ZNF577: variants seen among roughly 807,000 people sequenced by gnomAD.
The protein encoded by ZNF577 is zinc finger protein 577.
In ZNF577, 14 loss-of-function variants were observed where a neutral mutation model predicts 13.9. That is an observed-to-expected ratio of 1.00 (90% CI 0.66 to 1.57). ZNF577 has a LOEUF of 1.57. ZNF577 is among the 40% of genes most tolerant of loss of function. The pLI, the probability that ZNF577 is intolerant of heterozygous loss-of-function variation, is 0.00. For synonymous variants in ZNF577, 203 were observed against 202.9 expected (o/e 1.00, Z 0.00); for missense variants, 555 against 579.2 (o/e 0.96, Z 0.43).
intron 5 of ZNF577, among the ~76,000 whole-genome samples, chr19:51,853,215 G>A (rs2122568936): frequency 6.6e-6 from 1 of 152,300 alleles, no homozygotes; most frequent in East Asian, 1.9e-4. Flanking sequence ...GGGATTACAG[G>A]CATGAGCCAG....
chr19:51,805,759 AC>A (rs2084054684), intron 10 of ZNF577, among the ~76,000 whole-genome samples: 1 of 152,214 alleles, frequency 6.6e-6, no homozygotes, highest in Admixed American at 6.5e-5. Flanking sequence ...GTTACAGAGG[AC>A]ATCACAACAG....
At chr19:51,813,110 C>A (rs956492186) in intron 9 of ZNF577, among the ~76,000 whole-genome samples, 2 of 146,382 alleles carry the variant, frequency 1.4e-5, no homozygotes, top group African/African-American at 5.2e-5. Context: ...CAGAGTGATG[C>A]TCTGTCTCAA....
At chr19:51,866,264 G>A (rs144500343), downstream of ZNF577, among the ~76,000 whole-genome samples, 30 of 152,112 alleles carry the variant, frequency 2.0e-4, no homozygotes, top group South Asian at 4.1e-4. Context: ...CTTTCAGCTC[G>A]GCAGATTCAA....
At chr19:51,856,152 G>T (rs879819575) in intron 5 of ZNF577, among the ~76,000 whole-genome samples, 6 of 152,138 alleles carry the variant, frequency 3.9e-5, no homozygotes, top group Non-Finnish European at 8.8e-5. Context: ...ATACGCAGAG[G>T]CCTTGTCTCT....
intron 5 of ZNF577, chr19:51,845,052 T>C (rs915412133): frequency 2.0e-5 from 3 of 152,200 alleles, no homozygotes; most frequent in Non-Finnish European, 2.9e-5. Context: ...TAAAATTGTA[T>C]GTATTTATCA....
intron 1 of ZNF577, among the ~76,000 whole-genome samples, chr19:51,884,741 C>T (rs1273757615): frequency 6.6e-6 from 1 of 152,126 alleles, no homozygotes; most frequent in Non-Finnish European, 1.5e-5. Context: ...ATTTCCTCCA[C>T]TGACTGCTTA....
At chr19:51,833,577 T>G (rs1158700305) in intron 9 of ZNF577, among the ~76,000 whole-genome samples, 2 of 152,332 alleles carry the variant, frequency 1.3e-5, no homozygotes, top group East Asian at 3.9e-4. Context: ...TCAGCAGCAC[T>G]TGGATTTTGC....
chr19:51,851,643 A>T (rs1273091307), intron 5 of ZNF577, among the ~76,000 whole-genome samples: 5 of 152,082 alleles, frequency 3.3e-5, no homozygotes, highest in Middle Eastern at 3.4e-3. Context: ...CAGACACCTT[A>T]TTTCACACAG....
In ZNF577 at chr19:51,869,508, A is replaced by G. The variant is rs1215629725; in HGVS notation, c.*3024T>C. ...TCCCCCTCTCCGAGATGGTAGAGATAGTGATCAACAAATGCTGAGGGAACT... is the reference window on the plus strand; with the variant it reads ...TCCCCCTCTCCGAGATGGTAGAGATGGTGATCAACAAATGCTGAGGGAACT... On this transcript the variant is annotated 3_prime_UTR_variant, in exon 6 of 6. Coordinates refer to ENST00000638348, the MANE Select transcript of ZNF577 (RefSeq NM_001370449.1). Among the ~76,000 whole-genome samples the G allele has an allele frequency of 1.3e-5, 2 of 152,070 alleles. No homozygotes were observed. The highest frequency in any genetic ancestry group is 4.8e-5 in the African/African-American group (2 of 41,410).
intron 5 of ZNF577, among the ~76,000 whole-genome samples, chr19:51,859,591 C>A (rs1425795621): frequency 6.6e-6 from 1 of 151,852 alleles, no homozygotes; most frequent in Non-Finnish European, 1.5e-5. Flanking sequence ...TTGGATGTTT[C>A]AGAGTTATAA....
In ZNF577 at chr19:51,823,664, C is replaced by T. The variant is rs115594466; in HGVS notation, c.*600-11990G>A. 1.8e-3 allele frequency: 2,070 copies of T among 1,128,240 alleles called. 29 individuals carry two copies. In the African/African-American group the frequency reaches 0.029, roughly 16 times the overall value. The allele number at this position is 1,128,240 out of a possible 1,614,324, so 69.9% of individuals were successfully genotyped here. On this transcript the variant is annotated intron_variant and NMD_transcript_variant, in intron 9 of 10. Transcript: ENST00000638827. ...GGTCTGCTGGTAGGAGGAGGAGCTA[C>T]AGTGGAAGTTAATGAATAGTTGTAT...
chr19:51,878,986 G>A (rs999690431), intron 3 of ZNF577: 1 of 154,816 alleles, frequency 6.5e-6, no homozygotes, highest in South Asian at 2.0e-4. Context: ...GGCTGGGCGT[G>A]GTGGCTCACA....
intron 5 of ZNF577, among the ~76,000 whole-genome samples, chr19:51,853,104 T>C (rs2084387864): frequency 6.6e-6 from 1 of 152,096 alleles, no homozygotes; most frequent in African/African-American, 2.4e-5. Flanking sequence ...ACCCAGCTAA[T>C]TTTTGTATTT....
chr19:51,875,058 C>A (rs1015664736), intron 5 of ZNF577, among the ~76,000 whole-genome samples: 1 of 151,956 alleles, frequency 6.6e-6, no homozygotes, highest in Admixed American at 6.6e-5. Context: ...AGCATAGACA[C>A]AAAGGAGATA....
intron 9 of ZNF577, among the ~76,000 whole-genome samples, chr19:51,814,747 C>T (rs1207510272): frequency 6.6e-6 from 1 of 152,108 alleles, no homozygotes; most frequent in Non-Finnish European, 1.5e-5. Context: ...CCCACCTCGG[C>T]CTCCCAAAGT....
At chr19:51,832,853 C>T (rs987008369) in intron 9 of ZNF577, among the ~76,000 whole-genome samples, 3 of 152,078 alleles carry the variant, frequency 2.0e-5, no homozygotes, top group African/African-American at 7.2e-5. Flanking sequence ...GTGTGTGGAT[C>T]TATTTCCGGA....
At chr19:51,864,861 T>C (rs1220615082), downstream of ZNF577, among the ~76,000 whole-genome samples, 4 of 152,138 alleles carry the variant, frequency 2.6e-5, no homozygotes, top group Non-Finnish European at 5.9e-5. Context: ...CCTTACGCCC[T>C]CCAACTCTGA....
chr19:51,827,210 A>G (rs1459984278), intron 9 of ZNF577, among the ~76,000 whole-genome samples: 1 of 152,178 alleles, frequency 6.6e-6, no homozygotes, highest in African/African-American at 2.4e-5. Context: ...CTTCCATGTT[A>G]AACTATAAAC....
intron 5 of ZNF577, chr19:51,862,026 G>C (rs2084508866): frequency 6.6e-6 from 1 of 152,322 alleles, no homozygotes; most frequent in South Asian, 2.1e-4. Context: ...CCTGTCTTTT[G>C]GGTGAAAGCT....
Sources: gnomAD v4.1 joint callset for allele counts (sites outside exome capture counted in the v4.1 genomes callset) on GRCh38, gnomAD v4.1.1 for gene constraint, MANE v1.5 for transcripts, NCBI Gene and HGNC (gene_info 2026-07-23, HGNC 2026-07-21) for gene names.